The following LRP1B variants were observed in gnomAD, a reference collection of about 807,000 sequenced individuals.
The protein encoded by LRP1B is LDL receptor related protein 1B.
LRP1B carries 217 observed loss-of-function variants against 556.6 expected under a neutral mutation model. The ratio of observed to expected loss-of-function variants is 0.39; its 90% CI spans 0.35 to 0.44. The LOEUF is 0.44. Among genes scored for constraint, LRP1B ranks in the 20% least tolerant of loss-of-function variants. The probability of loss-of-function intolerance (pLI) is 1.00; values close to 1 mark genes in which losing one functional copy is unlikely to be tolerated. For synonymous variants in LRP1B, 2,047 were observed against 1,865.8 expected (o/e 1.10, Z -2.50); for missense variants, 5,053 against 5,620.8 (o/e 0.90, Z 3.23).
chr2:141,591,919 A>G (rs1559162242), intron 2 of LRP1B, among the ~76,000 whole-genome samples: 1 of 152,080 alleles, frequency 6.6e-6, no homozygotes, highest in African/African-American at 2.4e-5. Flanking sequence ...ATAGTCCAAA[A>G]TCTTCTCGTG....
intron 76 of LRP1B, among the ~76,000 whole-genome samples, chr2:140,351,257 G>A (rs906912056): frequency 2.6e-5 from 4 of 151,798 alleles, no homozygotes; most frequent in East Asian, 1.9e-4. Context: ...TTTTTCTACT[G>A]CCAATCTTTC....
intron 1 of LRP1B, among the ~76,000 whole-genome samples, chr2:141,934,825 A>G (rs1175127340): frequency 6.6e-6 from 1 of 152,208 alleles, no homozygotes; most frequent in African/African-American, 2.4e-5. Context: ...CTCCCCAGCC[A>G]TGTGAAATTG....
chr2:141,975,354 T>C (rs2105083876), intron 1 of LRP1B, among the ~76,000 whole-genome samples: 1 of 152,204 alleles, frequency 6.6e-6, no homozygotes, highest in African/African-American at 2.4e-5. Context: ...TAGTTGATAA[T>C]TCTGAGGGTG....
chr2:140,868,032 A>G (rs2105155448), intron 26 of LRP1B, 67 bp downstream of exon 26: 1 of 1,490,830 alleles, frequency 6.7e-7, no homozygotes, highest in South Asian at 1.4e-5. Flanking sequence ...ATGTTAGGAC[A>G]CTTTCCAATG....
chr2:140,429,922 TCC>T (rs1218074035), intron 66 of LRP1B, among the ~76,000 whole-genome samples: 21 of 152,138 alleles, frequency 1.4e-4, no homozygotes, highest in African/African-American at 5.1e-4. Flanking sequence ...GCTCCCCGGC[TCC>T]TTCAGCTGTA....
At chr2:142,034,369 T>A (rs753853252) in intron 1 of LRP1B, among the ~76,000 whole-genome samples, 6 of 151,788 alleles carry the variant, frequency 4.0e-5, no homozygotes, top group Non-Finnish European at 8.8e-5. Flanking sequence ...ACATGTATTC[T>A]AGCTATAGTT....
At chr2:140,659,973 T>A (rs1685032396) in intron 41 of LRP1B, among the ~76,000 whole-genome samples, 2 of 152,114 alleles carry the variant, frequency 1.3e-5, no homozygotes, top group Non-Finnish European at 2.9e-5. Context: ...AATATTTTTG[T>A]TTTCAGGCAA....
At chr2:140,965,252 T>C (rs1245414706) in intron 18 of LRP1B, among the ~76,000 whole-genome samples, 3 of 152,198 alleles carry the variant, frequency 2.0e-5, no homozygotes, top group African/African-American at 7.2e-5. Context: ...ATAGAGTCTT[T>C]GTCAATACTT....
chr2:141,672,565 T>C (rs563846462), intron 2 of LRP1B, among the ~76,000 whole-genome samples: 1 of 152,300 alleles, frequency 6.6e-6, no homozygotes, highest in Admixed American at 6.5e-5. Context: ...ATACCTAGAT[T>C]TATGTAATCT....
intron 2 of LRP1B, among the ~76,000 whole-genome samples, chr2:141,562,305 T>C (rs886707700): frequency 7.2e-5 from 11 of 152,010 alleles, no homozygotes; most frequent in Middle Eastern, 3.2e-3. Context: ...TTCAGTCATT[T>C]GGATAAAGCT....
intron 79 of LRP1B, among the ~76,000 whole-genome samples, chr2:140,331,911 G>C (rs952331324): frequency 1.3e-5 from 2 of 151,788 alleles, no homozygotes; most frequent in Non-Finnish European, 2.9e-5. Flanking sequence ...TGGGCAGGCT[G>C]GTCTCAAACT....
chr2:141,034,401 C>T (rs1698467622), intron 11 of LRP1B, among the ~76,000 whole-genome samples: 1 of 151,874 alleles, frequency 6.6e-6, no homozygotes, highest in African/African-American at 2.4e-5. Context: ...GCAAAAGAAA[C>T]TACCATCAGA....
At chr2:140,751,642 C>A (rs1470054739) in intron 35 of LRP1B, among the ~76,000 whole-genome samples, 1 of 152,150 alleles carries the variant, frequency 6.6e-6, no homozygotes, top group African/African-American at 2.4e-5. Context: ...TTCAATTCTC[C>A]TCTAAATTAT....
intron 57 of LRP1B, among the ~76,000 whole-genome samples, chr2:140,489,015 C>A (rs894301609): frequency 1.3e-5 from 2 of 151,944 alleles, no homozygotes; most frequent in African/African-American, 2.4e-5. Context: ...TTAAATAGTT[C>A]TTTGTAAGAG....
chr2:142,102,526 G>A (rs893393247), intron 1 of LRP1B, among the ~76,000 whole-genome samples: 2 of 147,880 alleles, frequency 1.4e-5, no homozygotes, highest in East Asian at 4.0e-4. Context: ...TACACTGGGA[G>A]GCAAAGGTGA....
At chr2:141,054,402 A>T (rs560459153) in intron 10 of LRP1B, among the ~76,000 whole-genome samples, 43 of 152,030 alleles carry the variant, frequency 2.8e-4, no homozygotes, top group Admixed American at 7.2e-4. Context: ...CCGTTCTACT[A>T]TACCTGATTA....
intron 2 of LRP1B, among the ~76,000 whole-genome samples, chr2:141,569,967 T>C (rs1559147026): frequency 6.6e-6 from 1 of 151,112 alleles, no homozygotes; most frequent in Non-Finnish European, 1.5e-5. Context: ...ATGCAGTGGC[T>C]CATGCCTGTA....
Position 140,315,746 on chromosome 2 carries a change from G to A in LRP1B, c.12641-647C>T, listed in dbSNP as rs764130203. ...TTTAAATTTGTAAGATACATTTATA[G>A]CATATGCACACACATACACACACTA... On this transcript the variant is annotated intron_variant, in intron 82 of 90. Coordinates refer to ENST00000389484, the MANE Select transcript of LRP1B (RefSeq NM_018557.3). Among the ~76,000 whole-genome samples the A allele has an allele frequency of 5.3e-4, 80 of 152,116 alleles. 2 individuals are homozygous for A. The highest frequency in any genetic ancestry group is 3.3e-4 in the Admixed American group (5 of 15,260).
chr2:140,831,310 G>A (rs1033976695), intron 31 of LRP1B, among the ~76,000 whole-genome samples: 7 of 152,040 alleles, frequency 4.6e-5, no homozygotes, highest in Non-Finnish European at 7.4e-5. Flanking sequence ...GGCATGGTGC[G>A]ATATAAAAAC....
Sources: allele counts gnomAD v4.1 joint callset (sites outside exome capture counted in the v4.1 genomes callset), GRCh38; gene constraint gnomAD v4.1.1; transcripts MANE v1.5; gene names NCBI Gene and HGNC (gene_info 2026-07-23, HGNC 2026-07-21).